The following CDK19 variants were observed in gnomAD, a reference collection of about 807,000 sequenced individuals.
The protein encoded by CDK19 is cyclin-dependent kinase 19.
Under a neutral mutation model 68.3 loss-of-function variants are expected in CDK19, and 20 were observed. The observed-to-expected ratio is 0.29, with a 90% CI of 0.21 to 0.43. The LOEUF (loss-of-function observed/expected upper bound fraction) is 0.43. Among genes scored for constraint, CDK19 ranks in the 20% least tolerant of loss-of-function variants. The pLI is 1.00. For synonymous variants in CDK19, 221 were observed against 222.8 expected (o/e 0.99, Z 0.07); for missense variants, 339 against 623.5 (o/e 0.54, Z 4.86).
At chr6:110,734,115 T>C (rs1388005691) in intron 2 of CDK19, among the ~76,000 whole-genome samples, 1 of 152,080 alleles carries the variant, frequency 6.6e-6, no homozygotes, top group African/African-American at 2.4e-5. Context: ...GTTCAAGCAA[T>C]TCTCGTGCCT....
At chr6:110,732,003 C>A (rs1291559986) in intron 2 of CDK19, among the ~76,000 whole-genome samples, 2 of 152,092 alleles carry the variant, frequency 1.3e-5, no homozygotes, top group East Asian at 3.8e-4. Flanking sequence ...TCTTCTATAT[C>A]TTTCCCAAAA....
At chr6:110,645,889 G>A (rs1780532945) in intron 4 of CDK19, 3 of 763,080 alleles carry the variant, frequency 3.9e-6, no homozygotes, top group South Asian at 3.0e-5. Flanking sequence ...GAAAACAGCG[G>A]CGACTCAGTC....
chr6:110,694,319 T>A (rs1286450023), intron 2 of CDK19, among the ~76,000 whole-genome samples: 1 of 143,810 alleles, frequency 7.0e-6, no homozygotes, highest in East Asian at 2.0e-4. Flanking sequence ...AAGGAAACTA[T>A]GTTTCCATGC....
At chr6:110,793,373 T>C (rs1050148222) in intron 1 of CDK19, among the ~76,000 whole-genome samples, 3 of 152,178 alleles carry the variant, frequency 2.0e-5, no homozygotes, top group Non-Finnish European at 4.4e-5. Context: ...CTATCACTTA[T>C]CTAAAAAGAT....
chr6:110,786,426 A>C (rs1052711481), intron 1 of CDK19, among the ~76,000 whole-genome samples: 1 of 152,104 alleles, frequency 6.6e-6, no homozygotes, highest in African/African-American at 2.4e-5. Flanking sequence ...CTGTGAAGTC[A>C]TGCACAACAT....
intron 4 of CDK19, among the ~76,000 whole-genome samples, chr6:110,655,257 T>G (rs892342769): frequency 6.6e-6 from 1 of 151,716 alleles, no homozygotes; most frequent in African/African-American, 2.4e-5. Context: ...TCCTAGCTAC[T>G]TGGGAGGCTG....
At chr6:110,636,293 G>T (rs1422155394) in intron 5 of CDK19, among the ~76,000 whole-genome samples, 5 of 152,222 alleles carry the variant, frequency 3.3e-5, no homozygotes, top group African/African-American at 9.6e-5. Context: ...CTGGTATCAA[G>T]ATCTTAGAAT....
chr6:110,637,674 T>G (rs931851161), intron 5 of CDK19, among the ~76,000 whole-genome samples: 1 of 152,222 alleles, frequency 6.6e-6, no homozygotes, highest in Non-Finnish European at 1.5e-5. Flanking sequence ...ATAAATATAA[T>G]TTCTAGTAAA....
In CDK19 at chr6:110,621,847, G is replaced by T. The variant is rs1355435922; in HGVS notation, c.1110+241C>A. On this transcript the variant is annotated intron_variant, in intron 11 of 12. Coordinates refer to ENST00000368911, the MANE Select transcript of CDK19 (RefSeq NM_015076.5). This position sits in a 1 kb window ranked among gnomAD's most constrained non-coding sequence, Gnocchi z 5.4. ...AACAAACAGAAAGAGCAAGAAGTGG[G>T]AATCCGGGAGTAGAACTGGCTGTAA... Among the ~76,000 whole-genome samples the T allele has an allele frequency of 6.6e-6, 1 of 152,156 alleles. No individual in the cohort carries two copies. Among genetic ancestry groups the T allele is most frequent in the Non-Finnish European group, 1.5e-5 (1 of 68,032 alleles).
intron 2 of CDK19, among the ~76,000 whole-genome samples, chr6:110,735,578 A>T (rs1041720986): frequency 6.6e-6 from 1 of 152,200 alleles, no homozygotes; most frequent in Non-Finnish European, 1.5e-5. Context: ...CAGGAATTAG[A>T]TACATTCTAT....
chr6:110,693,434 C>T (rs541943170), intron 2 of CDK19, among the ~76,000 whole-genome samples: 2 of 152,316 alleles, frequency 1.3e-5, no homozygotes, highest in South Asian at 2.1e-4. Flanking sequence ...CAGGCACTCC[C>T]GGTCTCCGGC....
intron 2 of CDK19, among the ~76,000 whole-genome samples, chr6:110,684,957 G>A (rs1772332358): frequency 6.6e-6 from 1 of 152,148 alleles, no homozygotes; most frequent in East Asian, 1.9e-4. Flanking sequence ...TGGCCAACAT[G>A]GCGAAACCCC....
chr6:110,782,563 G>A (rs1179098380), intron 1 of CDK19, among the ~76,000 whole-genome samples: 1 of 152,090 alleles, frequency 6.6e-6, no homozygotes, highest in Non-Finnish European at 1.5e-5. Context: ...AAACTATACA[G>A]CAAACTGTTA....
At chr6:110,723,135 C>CAAAAAAAAAAAA (rs760048229) in intron 2 of CDK19, among the ~76,000 whole-genome samples, 1 of 65,492 alleles carries the variant, frequency 1.5e-5, no homozygotes. Flanking sequence ...AAGGCTTTGT[C>CAAAAAAAAAAAA]AAAAAAAACA....
rs1349064951 is a variant in CDK19 at position 110,688,041 on chromosome 6, C to A, written c.205-17500G>T. 2.6e-5 allele frequency among the ~76,000 whole-genome samples: 4 copies of A among 152,052 alleles called. No individual in the cohort carries two copies. The South Asian group carries it at 8.3e-4, about 32-fold the overall frequency. The stretch of plus-strand genomic sequence containing the variant: ...CAGTGTAAGTTCTGGTCACATACTT[C>A]GATACACTTCAAACAAACACCCACA... On this transcript the variant is annotated intron_variant, in intron 2 of 12. Coordinates refer to ENST00000368911, the MANE Select transcript of CDK19 (RefSeq NM_015076.5).
chr6:110,652,937 T>C (rs1781069286), intron 4 of CDK19, among the ~76,000 whole-genome samples: 1 of 152,108 alleles, frequency 6.6e-6, no homozygotes, highest in African/African-American at 2.4e-5. Flanking sequence ...TTTTGCACAG[T>C]TTGAGAACAG....
At chr6:110,793,136 T>C (rs1781709710) in intron 1 of CDK19, among the ~76,000 whole-genome samples, 1 of 152,202 alleles carries the variant, frequency 6.6e-6, no homozygotes, top group South Asian at 2.1e-4. Flanking sequence ...GCAAAAATCC[T>C]TCCCCGAGAA....
chr6:110,632,066 G>T lies in CDK19; in HGVS notation c.610C>A (p.Leu204Ile). 6.2e-7 allele frequency: 1 copy of T among 1,613,472 alleles called. No homozygotes were observed. Among genetic ancestry groups the T allele is most frequent in the Middle Eastern group, 1.7e-4 (1 of 6,060 alleles). ...VVTFWYRAPE[L>I]LLGARHYTKA... is the part of the protein sequence containing the mutation. ...GTATAATGCCTTGCACCAAGCAAAAGTTCTGGAGCCCGATACCAAAATGTC... is the reference window on the plus strand; with the variant it reads ...GTATAATGCCTTGCACCAAGCAAAATTTCTGGAGCCCGATACCAAAATGTC... The change falls in exon 6 of 13, where the codon CTT becomes ATT. Residue 204 changes from leucine to isoleucine, a missense_variant. Physicochemically the swap from Leu to Ile is conservative, Grantham distance 5. Coordinates refer to ENST00000368911, the MANE Select transcript of CDK19 (RefSeq NM_015076.5).
At chr6:110,643,023 C>A (rs1780307667) in intron 4 of CDK19, among the ~76,000 whole-genome samples, 1 of 152,278 alleles carries the variant, frequency 6.6e-6, no homozygotes, top group South Asian at 2.1e-4. Flanking sequence ...GGCCTGAGAG[C>A]AGCTGCCAAT....
Sources: allele counts gnomAD v4.1 joint callset (sites outside exome capture counted in the v4.1 genomes callset), GRCh38; gene constraint gnomAD v4.1.1; non-coding constraint Gnocchi (gnomAD v3.1); transcripts MANE v1.5; gene names NCBI Gene and HGNC (gene_info 2026-07-23, HGNC 2026-07-21).